Variants in ZNF483 observed in about 807,000 individuals in gnomAD.
ZNF483 encodes the protein zinc finger protein 483, also known as zinc finger protein HIT-10.
In ZNF483, 9 loss-of-function variants were observed where a neutral mutation model predicts 28.6. The observed-to-expected ratio is 0.32, with a 90% CI of 0.19 to 0.55. The LOEUF (loss-of-function observed/expected upper bound fraction) is 0.55. Among genes scored for constraint, ZNF483 ranks in the 20% least tolerant of loss-of-function variants. ZNF483 has a pLI of 0.93. For synonymous variants in ZNF483, 322 were observed against 306.2 expected (o/e 1.05, Z -0.54); for missense variants, 675 against 871.7 (o/e 0.77, Z 2.84).
At chr9:111,556,684 C>T (rs1012348841), downstream of ZNF483, among the ~76,000 whole-genome samples, 6 of 152,194 alleles carry the variant, frequency 3.9e-5, no homozygotes, top group Non-Finnish European at 5.9e-5. Context: ...GCAGATTTCC[C>T]TCCTGTTGTT....
chr9:111,531,733 G>A (rs1827351878), intron 3 of ZNF483, among the ~76,000 whole-genome samples: 1 of 152,184 alleles, frequency 6.6e-6, no homozygotes, highest in South Asian at 2.1e-4. Context: ...CTGGAGTGGA[G>A]TGCAGTGGTG....
At chr9:111,560,681 C>T (rs1330836526) in intron 5 of ZNF483, among the ~76,000 whole-genome samples, 18 of 144,080 alleles carry the variant, frequency 1.2e-4, no homozygotes, top group East Asian at 4.1e-4. Context: ...CGGTGGTTCA[C>T]GCGTGTAATC....
At chr9:111,569,960 C>A (rs1219386354) in intron 5 of ZNF483, 2 of 1,405,556 alleles carry the variant, frequency 1.4e-6, no homozygotes, top group Non-Finnish European at 2.0e-6. Context: ...ATACTCTAAG[C>A]ACAATGACCC....
rs1181142535 is a variant in ZNF483 at position 111,550,347 on chromosome 9, G to A, written c.*7177G>A. 6.6e-6 allele frequency among the ~76,000 whole-genome samples: 1 copy of A among 152,198 alleles called. No homozygotes were observed. The highest frequency in any genetic ancestry group is 1.5e-5 in the Non-Finnish European group (1 of 68,034). On this transcript the variant is annotated 3_prime_UTR_variant, in exon 6 of 6. Transcript: ENST00000309235. ...GTCTGCTCTTTCTCTGTGATCAGAAGTAGATATCTGCAATCAGAACCCTGA... is the reference window on the plus strand; with the variant it reads ...GTCTGCTCTTTCTCTGTGATCAGAAATAGATATCTGCAATCAGAACCCTGA...
chr9:111,531,129 G>A (rs1564591564), intron 3 of ZNF483, among the ~76,000 whole-genome samples, 166 bp downstream of exon 3: 1 of 151,948 alleles, frequency 6.6e-6, no homozygotes, highest in Non-Finnish European at 1.5e-5. Flanking sequence ...AAGAGTTCAG[G>A]GTTGCAGTGA....
intron 3 of ZNF483, among the ~76,000 whole-genome samples, chr9:111,532,134 C>T (rs1827363322): frequency 6.6e-6 from 1 of 151,750 alleles, no homozygotes; most frequent in East Asian, 1.9e-4. Context: ...CATAGCGAGA[C>T]CCTCGTCTAT....
chr9:111,565,489 A>G (rs1012502857), intron 5 of ZNF483, among the ~76,000 whole-genome samples: 2 of 152,206 alleles, frequency 1.3e-5, no homozygotes, highest in South Asian at 2.1e-4. Context: ...TCTCTGTACT[A>G]TCTTCCCAAT....
downstream of ZNF483, among the ~76,000 whole-genome samples, chr9:111,555,837 G>C (rs1459021954): frequency 1.3e-5 from 2 of 152,156 alleles, no homozygotes. Context: ...TGGGGACACA[G>C]AGCCAAACTA....
chr9:111,551,265 T>C lies in ZNF483; in HGVS notation c.*8095T>C, dbSNP rs1827934084. Among the ~76,000 whole-genome samples, 1 of 152,224 alleles carries C rather than the reference T, an allele frequency of 6.6e-6. No individual in the cohort carries two copies. The highest frequency in any genetic ancestry group is 2.4e-5 in the African/African-American group (1 of 41,460). On this transcript the variant is annotated 3_prime_UTR_variant, in exon 6 of 6. Transcript: ENST00000309235. ...TTAATCTACACACAAAATTTTCATT[T>C]GTAATACATAACTCACATTTAGATT...
Position 111,545,705 on chromosome 9 carries a change from C to T in ZNF483, c.*2535C>T, listed in dbSNP as rs940327818. Among the ~76,000 whole-genome samples the T allele has an allele frequency of 6.6e-6, 1 of 152,012 alleles. No homozygotes were observed. The highest frequency in any genetic ancestry group is 2.4e-5 in the African/African-American group (1 of 41,390). On this transcript the variant is annotated 3_prime_UTR_variant, in exon 6 of 6. Coordinates refer to ENST00000309235, the MANE Select transcript of ZNF483 (RefSeq NM_133464.5). ...TTCATTAATGTGTTTTAAGTTCATC[C>T]ATGTTGTAACATACTAGTACTTTAT...
intron 5 of ZNF483, among the ~76,000 whole-genome samples, chr9:111,572,133 C>T (rs963179850): frequency 9.9e-5 from 15 of 152,264 alleles, no homozygotes; most frequent in African/African-American, 3.6e-4. Context: ...GCCTAAAGTT[C>T]CCACTGATTA....
chr9:111,530,053 T>C (rs187079403), intron 2 of ZNF483, among the ~76,000 whole-genome samples: 2 of 152,276 alleles, frequency 1.3e-5, no homozygotes, highest in African/African-American at 4.8e-5. Flanking sequence ...AACCCTGGAA[T>C]TGGGGAAGGG....
intron 2 of ZNF483, among the ~76,000 whole-genome samples, chr9:111,530,123 C>T (rs1044474640): frequency 3.3e-5 from 5 of 152,122 alleles, no homozygotes; most frequent in East Asian, 3.9e-4. Context: ...GCTCCACCCC[C>T]CAACCTGTCA....
intron 5 of ZNF483, chr9:111,564,275 CTTT>C: frequency 2.9e-6 from 2 of 692,846 alleles, no homozygotes; most frequent in Non-Finnish European, 3.7e-6. Context: ...GAAATTTAAA[CTTT>C]TATTATTATT....
Position 111,546,822 on chromosome 9 carries a change from C to G in ZNF483, c.*3652C>G, listed in dbSNP as rs947234964. On this transcript the variant is annotated 3_prime_UTR_variant, in exon 6 of 6. Transcript: ENST00000309235. ...TCATCCCAAACTGAAACTCTGTACT[C>G]CTTAAACAGTAACTCCCCATTTTCT... 1.3e-5 allele frequency among the ~76,000 whole-genome samples: 2 copies of G among 152,128 alleles called. No homozygotes were observed. The highest frequency in any genetic ancestry group is 1.3e-4 in the Admixed American group (2 of 15,258).
intron 4 of ZNF483, 51 bp downstream of exon 4, chr9:111,533,916 T>A (rs1827410747): frequency 2.5e-6 from 4 of 1,570,926 alleles, no homozygotes; most frequent in Non-Finnish European, 3.4e-6. Flanking sequence ...GGTCTCTTTT[T>A]GTTCCCTTTT....
chr9:111,526,006 G>A (rs1262044674), intron 1 of ZNF483, among the ~76,000 whole-genome samples: 1 of 152,050 alleles, frequency 6.6e-6, no homozygotes, highest in Non-Finnish European at 1.5e-5. Context: ...GCCTGTCCAC[G>A]CCTGGCCCCG....
Position 111,530,455 on chromosome 9 carries a change from G to A in ZNF483, c.413-420G>A, listed in dbSNP as rs1827294896. On this transcript the variant is annotated intron_variant, in intron 2 of 5. Transcript: ENST00000309235. The stretch of plus-strand genomic sequence containing the variant: ...TTGGAACCCAGGGAGGGGCTCATGG[G>A]AACCCCAATTTGTATCTTGTTGGTC... 4.6e-5 allele frequency among the ~76,000 whole-genome samples: 7 copies of A among 152,152 alleles called. No individual in the cohort carries two copies. In the South Asian group the frequency reaches 1.5e-3, roughly 32 times the overall value.
At chr9:111,573,283 G>GA (rs371843056) in intron 5 of ZNF483, among the ~76,000 whole-genome samples, 3 of 151,846 alleles carry the variant, frequency 2.0e-5, no homozygotes, top group East Asian at 1.9e-4. Flanking sequence ...ATTATAGGGG[G>GA]AAAAAAAAGT....
Sources: gnomAD v4.1 joint callset for allele counts (sites outside exome capture counted in the v4.1 genomes callset) on GRCh38, gnomAD v4.1.1 for gene constraint, MANE v1.5 for transcripts, NCBI Gene and HGNC (gene_info 2026-07-23, HGNC 2026-07-21) for gene names.